TJP2: variants seen among roughly 807,000 people sequenced by gnomAD.
TJP2 encodes the protein Friedreich ataxia region gene X104 (tight junction protein ZO-2).
TJP2 carries 91 observed loss-of-function variants against 133.1 expected under a neutral mutation model. That is an observed-to-expected ratio of 0.68 (90% CI 0.58 to 0.81). The LOEUF (loss-of-function observed/expected upper bound fraction) is 0.81. TJP2 is among the 40% of genes least tolerant of loss of function. TJP2 has a pLI of 0.00. For synonymous variants in TJP2, 592 were observed against 583.4 expected (o/e 1.01, Z -0.21); for missense variants, 1,541 against 1,565.6 (o/e 0.98, Z 0.26).
chr9:69,200,575 G>C (rs778099705), intron 1 of TJP2, among the ~76,000 whole-genome samples: 4 of 152,096 alleles, frequency 2.6e-5, no homozygotes, highest in Non-Finnish European at 2.9e-5. Flanking sequence ...TTTTCTTTTT[G>C]TAGAGATAGG....
chr9:69,219,717 C>T (rs981281831), intron 4 of TJP2, among the ~76,000 whole-genome samples: 2 of 152,184 alleles, frequency 1.3e-5, no homozygotes, highest in Non-Finnish European at 2.9e-5. Context: ...AGCCACCATA[C>T]GCAGCTCTCA....
chr9:69,225,180 T>C, intron 5 of TJP2, 124 bp from the exon 6 acceptor site: 4 of 680,508 alleles, frequency 5.9e-6, no homozygotes, highest in Non-Finnish European at 1.0e-5. Flanking sequence ...GCCAGTCATC[T>C]TACAGAATTT....
At chr9:69,149,576 C>T (rs891685641) in intron 1 of TJP2, among the ~76,000 whole-genome samples, 4 of 149,152 alleles carry the variant, frequency 2.7e-5, no homozygotes, top group South Asian at 2.1e-4. Context: ...TTTGCACAGA[C>T]GCCACAATAT....
At chr9:69,150,967 T>G (rs944214551) in intron 1 of TJP2, among the ~76,000 whole-genome samples, 6 of 152,202 alleles carry the variant, frequency 3.9e-5, no homozygotes, top group Admixed American at 3.9e-4. Flanking sequence ...ATAACATCAA[T>G]GAACCCTGAA....
intron 16 of TJP2, 136 bp downstream of exon 16, chr9:69,238,925 C>T: frequency 1.3e-6 from 1 of 769,726 alleles, no homozygotes; most frequent in Non-Finnish European, 2.2e-6. Context: ...CAGTGGCTTA[C>T]ACCTGTAATC....
At chr9:69,190,025 G>T (rs1280343035) in intron 1 of TJP2, among the ~76,000 whole-genome samples, 1 of 51,102 alleles carries the variant, frequency 2.0e-5, no homozygotes, top group African/African-American at 7.3e-5. Context: ...CAGGAGAATG[G>T]CATGAACCTG....
intron 1 of TJP2, among the ~76,000 whole-genome samples, chr9:69,200,202 C>T (rs1188333364): frequency 8.4e-6 from 1 of 119,680 alleles, no homozygotes; most frequent in South Asian, 2.6e-4. Context: ...GGTTACCCCT[C>T]CTGGCTCTGA....
intron 17 of TJP2, among the ~76,000 whole-genome samples, chr9:69,243,111 G>A (rs1050841797): frequency 3.3e-5 from 5 of 152,116 alleles, no homozygotes; most frequent in South Asian, 2.1e-4. Flanking sequence ...CAATCTGCCC[G>A]TGTTGGCCTC....
At chr9:69,203,165 C>A (rs1794025431) in intron 1 of TJP2, among the ~76,000 whole-genome samples, 1 of 150,092 alleles carries the variant, frequency 6.7e-6, no homozygotes. Context: ...TTCTCAGGCT[C>A]CTCTGCACCT....
chr9:69,133,703 A>G (rs780888475), intron 1 of TJP2, among the ~76,000 whole-genome samples: 1 of 151,762 alleles, frequency 6.6e-6, no homozygotes, highest in Non-Finnish European at 1.5e-5. Flanking sequence ...AGCGTGCACC[A>G]TCATGCCCAG....
At chr9:69,212,748 G>A (rs1185266527) in intron 2 of TJP2, 147 bp downstream of exon 2, 2 of 670,488 alleles carry the variant, frequency 3.0e-6, no homozygotes, top group Admixed American at 4.7e-5. Flanking sequence ...GGCAATAATT[G>A]CTATGTTAAC....
chr9:69,248,440 AGCAC>A, intron 19 of TJP2: 1 of 1,418,894 alleles, frequency 7.0e-7, no homozygotes. Context: ...TTGAGGGGTC[AGCAC>A]TCCGCACACC....
chr9:69,130,391 C>T (rs10869918), intron 1 of TJP2, among the ~76,000 whole-genome samples: 21,879 of 152,084 alleles, frequency 0.14, 1,826 homozygotes, highest in African/African-American at 0.23. Context: ...AAGTGTGTAG[C>T]GCAGTGATTC....
At chr9:69,238,064 C>A in intron 15 of TJP2, 91 bp downstream of exon 15, 1 of 867,516 alleles carries the variant, frequency 1.2e-6, no homozygotes, top group Non-Finnish European at 1.9e-6. Context: ...ACCCACGTAC[C>A]CTTCACCTGG....
intron 1 of TJP2, among the ~76,000 whole-genome samples, chr9:69,183,989 AT>A (rs1288401202): frequency 1.3e-5 from 2 of 152,218 alleles, no homozygotes; most frequent in Non-Finnish European, 2.9e-5. Flanking sequence ...TGCTGGGATT[AT>A]AAATGCGAGC....
intron 18 of TJP2, 116 bp from the exon 19 acceptor site, chr9:69,247,896 C>T: frequency 2.0e-6 from 2 of 1,016,480 alleles, no homozygotes; most frequent in South Asian, 1.9e-5. Flanking sequence ...AGATGCCTTC[C>T]CTGGCGAGCA....
chr9:69,219,072 C>T (rs1045351071), intron 4 of TJP2, among the ~76,000 whole-genome samples: 33 of 151,766 alleles, frequency 2.2e-4, no homozygotes, highest in Middle Eastern at 3.4e-3. Context: ...TGGGTTCAAG[C>T]GATTCTCCTG....
At chr9:69,185,064 T>G (rs1188193944) in intron 1 of TJP2, among the ~76,000 whole-genome samples, 1 of 40,084 alleles carries the variant, frequency 2.5e-5, no homozygotes, top group Admixed American at 1.7e-4. Flanking sequence ...GACTGATTTC[T>G]TTTTTTTTTT....
intron 17 of TJP2, among the ~76,000 whole-genome samples, chr9:69,240,918 AG>A (rs981248168): frequency 2.0e-5 from 3 of 152,134 alleles, no homozygotes; most frequent in Non-Finnish European, 4.4e-5. Flanking sequence ...TTAAAAACAA[AG>A]TTCTTTGAGG....
Sources: allele counts gnomAD v4.1 joint callset (sites outside exome capture counted in the v4.1 genomes callset), GRCh38; gene constraint gnomAD v4.1.1; transcripts MANE v1.5; gene names NCBI Gene and HGNC (gene_info 2026-07-23, HGNC 2026-07-21).